The following LIMK2 variants were observed in gnomAD, a reference collection of about 807,000 sequenced individuals.
The protein encoded by LIMK2 is LIM domain kinase 2.
In LIMK2, 35 loss-of-function variants were observed where a neutral mutation model predicts 75.7. That is an observed-to-expected ratio of 0.46 (90% CI 0.35 to 0.61). The LOEUF is 0.61. LIMK2 is among the 20% of genes least tolerant of loss of function. LIMK2 has a pLI of 0.00. For missense variants in LIMK2, 623 were observed against 831.0 expected (o/e 0.75, Z 3.08); for synonymous variants, 301 against 319.2 (o/e 0.94, Z 0.61).
chr22:31,222,361 G>A (rs1985726), intron 1 of LIMK2, among the ~76,000 whole-genome samples: 32,100 of 142,858 alleles, frequency 0.22, 5,425 homozygotes, highest in African/African-American at 0.48. Flanking sequence ...ATGAGCCACC[G>A]TGCCCAGCCT....
In LIMK2 at chr22:31,267,118, G is replaced by A. The variant is rs769859868; in HGVS notation, c.1128+48G>A. ...GGAGGTTGGTGTCACCATTGGAAGA[G>A]AGAAGACCTTACAAATAATGGCTTC... On this transcript the variant is annotated intron_variant, in intron 9 of 15. Coordinates refer to ENST00000331728, the MANE Select transcript of LIMK2 (RefSeq NM_005569.4). The A allele has an allele frequency of 1.9e-4, 197 of 1,051,366 alleles. 1 individual carries two copies. The East Asian group carries it at 3.9e-3, about 21-fold the overall frequency. The allele number at this position is 1,051,366 out of a possible 1,614,324, so 65.1% of individuals were successfully genotyped here. A position where few individuals can be genotyped will look rare whatever the true frequency, so the allele number is the denominator to read the frequency against.
At chr22:31,234,343 A>C (rs1237660603) in intron 2 of LIMK2, among the ~76,000 whole-genome samples, 1 of 151,176 alleles carries the variant, frequency 6.6e-6, no homozygotes, top group Admixed American at 6.6e-5. Context: ...AAAAAAAACA[A>C]AAAAAAACTT....
intron 2 of LIMK2, among the ~76,000 whole-genome samples, chr22:31,230,720 C>G (rs1188335523): frequency 6.6e-6 from 1 of 152,166 alleles, no homozygotes; most frequent in Non-Finnish European, 1.5e-5. Flanking sequence ...CAGACCATTT[C>G]CGCTAAATTT....
intron 12 of LIMK2, 69 bp downstream of exon 12, chr22:31,271,270 G>A: frequency 1.4e-6 from 2 of 1,382,698 alleles, no homozygotes; most frequent in Non-Finnish European, 2.1e-6. Context: ...CACAAAGGAG[G>A]CTGACTTGTC....
intron 1 of LIMK2, among the ~76,000 whole-genome samples, chr22:31,220,303 A>G (rs1360833117): frequency 6.6e-6 from 1 of 152,190 alleles, no homozygotes. Context: ...ACTCATAGGT[A>G]ATCTGGGAGC....
At chr22:31,214,214 C>G (rs72617294) in intron 1 of LIMK2, among the ~76,000 whole-genome samples, 3 of 152,114 alleles carry the variant, frequency 2.0e-5, no homozygotes, top group Non-Finnish European at 4.4e-5. Flanking sequence ...GTACAATAGT[C>G]TAGAGGCATA....
chr22:31,234,847 G>A lies in LIMK2; in HGVS notation c.116+9028G>A, dbSNP rs201226203. Among the ~76,000 whole-genome samples, 9 of 151,958 alleles carry A rather than the reference G, an allele frequency of 5.9e-5. No homozygotes were observed. The East Asian group carries it at 1.5e-3, about 26-fold the overall frequency. The stretch of plus-strand genomic sequence containing the variant: ...TCAGCCTCACCTCTCTTCTGGACAG[G>A]CCCTCCTTCTGACAAGGGCTTTGTT... On this transcript the variant is annotated intron_variant, in intron 2 of 15. Coordinates refer to ENST00000331728, the MANE Select transcript of LIMK2 (RefSeq NM_005569.4).
At chr22:31,270,017 C>T (rs996547004) in intron 11 of LIMK2, among the ~76,000 whole-genome samples, 14 of 151,514 alleles carry the variant, frequency 9.2e-5, no homozygotes, top group Non-Finnish European at 1.9e-4. Context: ...ACTTACCAGA[C>T]ATTTGGGGGA....
At chr22:31,259,536 C>T (rs1272833080) in intron 4 of LIMK2, among the ~76,000 whole-genome samples, 1 of 152,172 alleles carries the variant, frequency 6.6e-6, no homozygotes, top group Admixed American at 6.5e-5. Flanking sequence ...CCCTGTCCAA[C>T]CACCTTGGTT....
At chr22:31,265,227 G>T (rs1250567292) in intron 7 of LIMK2, among the ~76,000 whole-genome samples, 3 of 145,948 alleles carry the variant, frequency 2.1e-5, no homozygotes, top group African/African-American at 7.6e-5. Context: ...TTAGCCGGGC[G>T]TGGTGGCGTG....
At chr22:31,259,012 A>C (rs1240047326) in intron 3 of LIMK2, 109 bp from the exon 4 acceptor site, 1 of 656,750 alleles carries the variant, frequency 1.5e-6, no homozygotes, top group South Asian at 1.7e-5. Context: ...GTGGATTTTG[A>C]CGGGGGCCTT....
chr22:31,265,933 T>C lies in LIMK2; in HGVS notation c.855-13T>C. 3 of 1,613,190 alleles carry C rather than the reference T, an allele frequency of 1.9e-6. No homozygotes were observed. The highest frequency in any genetic ancestry group is 2.5e-6 in the Non-Finnish European group (3 of 1,179,310). Reference sequence around the variant, plus strand: ...GACTACACATCCCTACTCCCGTCTTTCCTCATCTTCAGGCGCAGTAACAGT... The same window carrying C: ...GACTACACATCCCTACTCCCGTCTTCCCTCATCTTCAGGCGCAGTAACAGT... On this transcript the variant is annotated splice_polypyrimidine_tract_variant and intron_variant, in intron 7 of 15. Coordinates refer to ENST00000331728, the MANE Select transcript of LIMK2 (RefSeq NM_005569.4).
chr22:31,233,203 A>G (rs1388829563), intron 2 of LIMK2, among the ~76,000 whole-genome samples: 1 of 152,162 alleles, frequency 6.6e-6, no homozygotes, highest in Non-Finnish European at 1.5e-5. Flanking sequence ...CTGCTTAACC[A>G]TTCTTTGCCA....
intron 2 of LIMK2, among the ~76,000 whole-genome samples, chr22:31,233,884 C>T (rs552335686): frequency 8.3e-4 from 126 of 152,272 alleles, no homozygotes; most frequent in Non-Finnish European, 1.4e-3. Flanking sequence ...CTTTCCTTTT[C>T]TCCCACCACC....
chr22:31,258,395 G>C lies in LIMK2; in HGVS notation c.221G>C (p.Gly74Ala). The change falls in exon 3 of 16, where the codon GGG becomes GCG. Residue 74 changes from glycine to alanine, a missense_variant. By Grantham distance (60) the Gly-to-Ala change is moderately conservative. Coordinates refer to ENST00000331728, the MANE Select transcript of LIMK2 (RefSeq NM_005569.4). ...GGGAAGTTTGGGGAGTTCTGTCATG[G>C]GTGCTCCCTGCTGATGACAGGGCCT... ...YWGKFGEFCHGCSLLMTGPFM... is the reference protein window; with the variant it reads ...YWGKFGEFCHACSLLMTGPFM... The C allele has an allele frequency of 6.2e-7, 1 of 1,614,092 alleles. No homozygotes were observed. Among genetic ancestry groups the C allele is most frequent in the Non-Finnish European group, 8.5e-7 (1 of 1,179,964 alleles).
intron 15 of LIMK2, among the ~76,000 whole-genome samples, chr22:31,276,630 G>T (rs1170649256): frequency 6.8e-6 from 1 of 146,364 alleles, no homozygotes; most frequent in Non-Finnish European, 1.5e-5. Flanking sequence ...GCCGGCGGGC[G>T]TCACGGAGGC....
intron 2 of LIMK2, among the ~76,000 whole-genome samples, chr22:31,241,481 C>T (rs2048623303): frequency 6.6e-6 from 1 of 152,212 alleles, no homozygotes. Context: ...ACTCCTTTTA[C>T]AGCCTCCTAC....
rs538733680 is a variant in LIMK2, at chr22:31,235,254, G to GCCCTTC, written c.116+9451_116+9456dup. 1.8e-3 allele frequency among the ~76,000 whole-genome samples: 274 copies of GCCCTTC among 152,202 alleles called. 3 individuals are homozygous for GCCCTTC. The highest frequency in any genetic ancestry group is 2.7e-3 in the African/African-American group (112 of 41,518). ...TATGATGTAAGTCAGGCTTTTCCCT[G>GCCCTTC]CCCTTCCCCTTCCCCTTCCCCACAT... On this transcript the variant is annotated intron_variant, in intron 2 of 15. Coordinates refer to ENST00000331728, the MANE Select transcript of LIMK2 (RefSeq NM_005569.4).
chr22:31,228,786 CA>C (rs2048500313), intron 2 of LIMK2, among the ~76,000 whole-genome samples: 1 of 151,722 alleles, frequency 6.6e-6, no homozygotes, highest in Non-Finnish European at 1.5e-5. Flanking sequence ...ACAAAAAATA[CA>C]AAAATATTAG....
Sources: gnomAD v4.1 joint callset for allele counts (sites outside exome capture counted in the v4.1 genomes callset) on GRCh38, gnomAD v4.1.1 for gene constraint, MANE v1.5 for transcripts, NCBI Gene and HGNC (gene_info 2026-07-23, HGNC 2026-07-21) for gene names.